The following CFAP299 variants were observed in gnomAD, a reference collection of about 807,000 sequenced individuals.
The protein encoded by CFAP299 is cilia- and flagella-associated protein 299.
CFAP299 carries 21 observed loss-of-function variants against 27.0 expected under a neutral mutation model. That is an observed-to-expected ratio of 0.78 (90% CI 0.55 to 1.12). CFAP299 has a LOEUF of 1.12. Among genes scored for constraint, CFAP299 ranks in the 50% most tolerant of loss-of-function variants. CFAP299 has a pLI of 0.00. For missense variants in CFAP299, 310 were observed against 276.6 expected, an observed-to-expected ratio of 1.12 and a Z score of -0.86; for synonymous variants, 104 against 98.1, an observed-to-expected ratio of 1.06 and a Z score of -0.36.
At chr4:80,606,734 A>G (rs1425805990) in intron 3 of CFAP299, among the ~76,000 whole-genome samples, 1 of 152,186 alleles carries the variant, frequency 6.6e-6, no homozygotes, top group Non-Finnish European at 1.5e-5. Context: ...ATAAGTTCAT[A>G]CAAATGTGCT....
intron 2 of CFAP299, among the ~76,000 whole-genome samples, chr4:80,476,058 C>G (rs1730259575): frequency 6.6e-6 from 1 of 152,164 alleles, no homozygotes; most frequent in Non-Finnish European, 1.5e-5. Flanking sequence ...ATAATGCTGT[C>G]TCTCCTGCAA....
chr4:80,552,049 C>G (rs775558251), intron 2 of CFAP299, among the ~76,000 whole-genome samples: 1 of 151,902 alleles, frequency 6.6e-6, no homozygotes, highest in African/African-American at 2.4e-5. Flanking sequence ...ATGCCCGGCC[C>G]GAAAGCTTTT....
intron 3 of CFAP299, among the ~76,000 whole-genome samples, chr4:80,813,825 A>G (rs1019264601): frequency 2.0e-5 from 3 of 152,004 alleles, no homozygotes; most frequent in Non-Finnish European, 4.4e-5. Context: ...AAAAACTTTG[A>G]TATAATTTAT....
chr4:80,351,262 G>T (rs1300657692), intron 1 of CFAP299, among the ~76,000 whole-genome samples: 1 of 152,088 alleles, frequency 6.6e-6, no homozygotes, highest in African/African-American at 2.4e-5. Flanking sequence ...TATATTTAAA[G>T]ATTATTGATT....
intron 3 of CFAP299, among the ~76,000 whole-genome samples, chr4:80,833,138 G>T (rs1730386868): frequency 1.3e-5 from 2 of 152,018 alleles, no homozygotes; most frequent in African/African-American, 4.8e-5. Context: ...AACAGATTTT[G>T]CAGTATGTGC....
intron 2 of CFAP299, among the ~76,000 whole-genome samples, chr4:80,494,602 A>G (rs1731339988): frequency 6.6e-6 from 1 of 152,130 alleles, no homozygotes; most frequent in South Asian, 2.1e-4. Flanking sequence ...TCAGTTCTTC[A>G]TACCCAGAGT....
intron 3 of CFAP299, among the ~76,000 whole-genome samples, chr4:80,602,853 C>G (rs1409920438): frequency 6.6e-6 from 1 of 152,148 alleles, no homozygotes; most frequent in Non-Finnish European, 1.5e-5. Context: ...AGGCCCTTCT[C>G]TGCTGGAACA....
rs187103571 is a variant in CFAP299, at chr4:80,760,556, T to C, written c.334-109437T>C. Among the ~76,000 whole-genome samples, 570 of 152,280 alleles carry C rather than the reference T, an allele frequency of 3.7e-3. 1 individual carries two copies. The highest frequency in any genetic ancestry group is 0.014 in the Admixed American group (216 of 15,304). On this transcript the variant is annotated intron_variant, in intron 3 of 5. Transcript: ENST00000358105. ...TAGTTTCAGCTTGGCTAAGATGACA[T>C]AGTACAAAACTACCACACTGCTATT...
intron 3 of CFAP299, among the ~76,000 whole-genome samples, chr4:80,808,030 TA>T (rs34491955): frequency 2.1e-4 from 31 of 146,864 alleles, no homozygotes; most frequent in East Asian, 3.9e-4. Context: ...AGTGAAGAGT[TA>T]AAAAAAAAAC....
intron 2 of CFAP299, among the ~76,000 whole-genome samples, chr4:80,488,683 A>G (rs914911581): frequency 1.6e-4 from 25 of 152,262 alleles, no homozygotes; most frequent in Middle Eastern, 3.4e-3. Flanking sequence ...TCACCGTGTT[A>G]GCCAGGATGG....
At chr4:80,496,699 G>A (rs1204546261) in intron 2 of CFAP299, among the ~76,000 whole-genome samples, 3 of 151,990 alleles carry the variant, frequency 2.0e-5, no homozygotes, top group African/African-American at 7.3e-5. Context: ...TCTGCATTAG[G>A]CCATTCTCAC....
At chr4:80,321,496 G>A in the CFAP299 span, among the ~76,000 whole-genome samples, 2 of 152,078 alleles carry the variant, frequency 1.3e-5, no homozygotes, top group African/African-American at 4.8e-5. Context: ...CCTCTGCTGG[G>A]CCTGTGGCCA....
At chr4:80,589,539 A>G (rs1464244648) in intron 3 of CFAP299, among the ~76,000 whole-genome samples, 8 of 152,206 alleles carry the variant, frequency 5.3e-5, no homozygotes, top group African/African-American at 1.9e-4. Flanking sequence ...AACAAGCCAC[A>G]TATATATGTA....
intron 4 of CFAP299, among the ~76,000 whole-genome samples, chr4:80,879,165 T>C (rs996855434): frequency 6.6e-6 from 1 of 152,136 alleles, no homozygotes; most frequent in Non-Finnish European, 1.5e-5. Context: ...TTTCACCCTC[T>C]GGGGCATCAG....
chr4:80,768,490 G>A (rs920392921), intron 3 of CFAP299, among the ~76,000 whole-genome samples: 1 of 152,094 alleles, frequency 6.6e-6, no homozygotes, highest in Non-Finnish European at 1.5e-5. Context: ...GCTCCCTACT[G>A]TTAAGTTTAT....
intron 3 of CFAP299, among the ~76,000 whole-genome samples, chr4:80,619,772 A>G (rs1738479252): frequency 6.6e-6 from 1 of 152,054 alleles, no homozygotes; most frequent in Admixed American, 6.6e-5. Context: ...TTTCACACAT[A>G]TATTTTATTA....
At chr4:80,426,071 A>G (rs1331690232) in intron 2 of CFAP299, among the ~76,000 whole-genome samples, 1 of 152,086 alleles carries the variant, frequency 6.6e-6, no homozygotes, top group Non-Finnish European at 1.5e-5. Context: ...AGTATGTTTA[A>G]TAAAATTGAC....
At chr4:80,687,920 G>A (rs367831437) in intron 3 of CFAP299, among the ~76,000 whole-genome samples, 1 of 152,312 alleles carries the variant, frequency 6.6e-6, no homozygotes. Context: ...GTCAAAGAAA[G>A]GGGTGACAGA....
At chr4:80,758,653 A>G (rs1725387762) in intron 3 of CFAP299, among the ~76,000 whole-genome samples, 1 of 152,128 alleles carries the variant, frequency 6.6e-6, no homozygotes, top group Non-Finnish European at 1.5e-5. Context: ...TATAATAAGA[A>G]CCATAGAGGA....
Sources: allele counts gnomAD v4.1 joint callset (sites outside exome capture counted in the v4.1 genomes callset), GRCh38; gene constraint gnomAD v4.1.1; transcripts MANE v1.5; gene names NCBI Gene and HGNC (gene_info 2026-07-23, HGNC 2026-07-21).